LCOR: variants seen among roughly 807,000 people sequenced by gnomAD.
The protein encoded by LCOR is ligand-dependent corepressor.
A neutral mutation model predicts 64.4 loss-of-function variants in LCOR; 14 were observed. The observed-to-expected ratio is 0.22, with a 90% confidence interval of 0.14 to 0.34. The LOEUF is 0.34. LCOR is among the 10% of genes least tolerant of loss of function. The pLI, the probability that LCOR is intolerant of heterozygous loss-of-function variation, is 1.00. For synonymous variants in LCOR, 643 were observed against 642.5 expected (o/e 1.00, Z -0.01); for missense variants, 1,686 against 1,765.3 (o/e 0.96, Z 0.80).
chr10:96,911,757 C>T (rs1056919637), intron 4 of LCOR, among the ~76,000 whole-genome samples: 1 of 152,184 alleles, frequency 6.6e-6, no homozygotes, highest in African/African-American at 2.4e-5. Flanking sequence ...TTACTTCTTT[C>T]CTTCCTCCCA....
At chr10:96,940,286 T>A (rs1451655095) in intron 4 of LCOR, among the ~76,000 whole-genome samples, 1 of 145,260 alleles carries the variant, frequency 6.9e-6, no homozygotes, top group Admixed American at 7.0e-5. Context: ...AATACAACTA[T>A]AATAAAGGTG....
rs1848237042 is a variant in LCOR, at chr10:96,995,742, A to C, written c.*10608A>C. 1 of 152,170 alleles carries C rather than the reference A, an allele frequency of 6.6e-6. No homozygotes were observed. The highest frequency in any genetic ancestry group is 2.1e-4 in the South Asian group (1 of 4,826). The allele number at this position is 152,170 out of a possible 1,614,324, so 9.4% of individuals were successfully genotyped here. ...TTGCTTTCCTATCAGGCCATGTAGG[A>C]AACTGTGTTCTTGTTATTGGTAGAG... On this transcript the variant is annotated 3_prime_UTR_variant, in exon 8 of 8. Transcript: ENST00000421806. This position sits in a 1 kb window ranked among gnomAD's most constrained non-coding sequence, Gnocchi z 4.2.
chr10:96,947,894 A>G (rs1847615597), intron 5 of LCOR, among the ~76,000 whole-genome samples: 1 of 152,122 alleles, frequency 6.6e-6, no homozygotes, highest in African/African-American at 2.4e-5. Flanking sequence ...GGACTATTTC[A>G]TGGTGATTGA....
chr10:96,876,748 G>A (rs1384580432), intron 2 of LCOR, among the ~76,000 whole-genome samples: 1 of 152,004 alleles, frequency 6.6e-6, no homozygotes, highest in Non-Finnish European at 1.5e-5. Context: ...AGAGTGCAGT[G>A]GTGCGATCTC....
In LCOR at chr10:96,993,476, G is replaced by A. The variant is rs1034337952; in HGVS notation, c.*8342G>A. The A allele has an allele frequency of 1.2e-4, 19 of 152,086 alleles. No homozygotes were observed. Among genetic ancestry groups the A allele is most frequent in the African/African-American group, 3.4e-4 (14 of 41,398 alleles). The allele number at this position is 152,086 out of a possible 1,614,324, so 9.4% of individuals were successfully genotyped here. The stretch of plus-strand genomic sequence containing the variant: ...GCAGGAAGAAATAAATTTTGCTCTC[G>A]TCTAAATGTTCACAAGAAGTAATGT... On this transcript the variant is annotated 3_prime_UTR_variant, in exon 8 of 8. Transcript: ENST00000421806.
At chr10:96,918,429 A>G (rs1176432146) in intron 4 of LCOR, among the ~76,000 whole-genome samples, 1 of 152,158 alleles carries the variant, frequency 6.6e-6, no homozygotes, top group Non-Finnish European at 1.5e-5. Context: ...GCATTGATGA[A>G]TATGTGGGTG....
At chr10:96,905,496 A>AT (rs1846712025) in intron 2 of LCOR, among the ~76,000 whole-genome samples, 1 of 151,932 alleles carries the variant, frequency 6.6e-6, no homozygotes, top group African/African-American at 2.4e-5. Context: ...GGATTTATTT[A>AT]TTTTTTTAAG....
At chr10:96,915,810 G>T in intron 4 of LCOR, 1 of 575,498 alleles carries the variant, frequency 1.7e-6, no homozygotes, top group Non-Finnish European at 3.3e-6. Context: ...GGAGGAGCAG[G>T]GTTAGCAGAC....
At position 96,981,743 on chromosome 10, in the gene LCOR, C is replaced by A; in HGVS notation, c.1283C>A (p.Pro428His). 2 of 1,614,214 alleles carry A rather than the reference C, an allele frequency of 1.2e-6. No individual in the cohort carries two copies. Among genetic ancestry groups the A allele is most frequent in the Non-Finnish European group, 1.7e-6 (2 of 1,180,038 alleles). Residue 428 changes from proline to histidine, a missense_variant, in exon 8 of 8, where the codon CCT (proline) becomes CAT (histidine). This residue lies in a region of LCOR where 1,293 missense variants were observed against 1,410.4 expected (regional missense o/e 0.92). Coordinates refer to ENST00000421806, the MANE Select transcript of LCOR (RefSeq NM_001346516.2). ...HSKDGWLGPG[P>H]MPAVHKAANG... ...AAAGATGGTTGGTTAGGCCCCGGCC[C>A]TATGCCAGCTGTACACAAAGCGGCA...
chr10:96,937,240 G>T (rs1847366761), intron 4 of LCOR, among the ~76,000 whole-genome samples: 1 of 152,192 alleles, frequency 6.6e-6, no homozygotes, highest in South Asian at 2.1e-4. Flanking sequence ...GCCAAGGATT[G>T]TCAGCAACCA....
At chr10:96,978,994 T>C (rs1210761365) in intron 7 of LCOR, among the ~76,000 whole-genome samples, 3 of 152,218 alleles carry the variant, frequency 2.0e-5, no homozygotes, top group African/African-American at 7.2e-5. Flanking sequence ...ATCCTGTAGA[T>C]AGTAAATGTC....
chr10:96,961,256 T>TG (rs1164850146), intron 7 of LCOR: 1 of 152,118 alleles, frequency 6.6e-6, no homozygotes, highest in East Asian at 1.9e-4. Context: ...TGCAACCGTT[T>TG]GGGGGGTAAT....
At position 96,984,301 on chromosome 10, in the gene LCOR, A is replaced by G. The variant is rs1848125148; in HGVS notation, c.3841A>G (p.Asn1281Asp). 6.2e-7 allele frequency: 1 copy of G among 1,614,146 alleles called. No individual in the cohort carries two copies. The highest frequency in any genetic ancestry group is 1.3e-5 in the African/African-American group (1 of 75,068). Residue 1281 changes from asparagine to aspartate, a missense_variant, in exon 8 of 8, where the codon AAT (asparagine) becomes GAT (aspartate). Asn to Asp is a conservative substitution (Grantham distance 23). Transcript: ENST00000421806. ...EDGSDVSPGP[N>D]SEDSIEEVKE... is the part of the protein sequence containing the mutation. Reference sequence around the variant, plus strand: ...TGGCAGTGATGTCAGCCCCGGCCCTAATTCTGAAGACAGCATAGAGGAAGT... The same window carrying G: ...TGGCAGTGATGTCAGCCCCGGCCCTGATTCTGAAGACAGCATAGAGGAAGT...
At position 96,983,692 on chromosome 10, in the gene LCOR, G is replaced by C; in HGVS notation, c.3232G>C (p.Glu1078Gln). 1.2e-6 allele frequency: 2 copies of C among 1,614,210 alleles called. No individual in the cohort carries two copies. Among genetic ancestry groups the C allele is most frequent in the Non-Finnish European group, 1.7e-6 (2 of 1,180,026 alleles). Residue 1078 changes from glutamate (E) to glutamine (Q), a missense_variant, in exon 8 of 8, where the codon GAG (glutamate) becomes CAG (glutamine). Glu to Gln is a conservative substitution (Grantham distance 29). Around this residue, in one of 3 missense-constraint regions of LCOR, gnomAD observed 1,293 missense variants for 1,410.4 expected, o/e 0.92. Transcript: ENST00000421806. The surrounding 1 kb of genome is among the most constrained non-coding windows in gnomAD (Gnocchi z 4.5). The part of the protein sequence containing the change: ...PIMPKENGAS[E>Q]SGDPLDEDDV... ...AATGCCAAAGGAAAATGGAGCTTCA[G>C]AGAGTGGAGACCCCCTAGATGAGGA...
Position 96,981,305 on chromosome 10 carries a change from A to G in LCOR, c.845A>G (p.His282Arg). Reference protein sequence around the residue: ...TASNCSSVNFHHIPKILEGQT... With the variant: ...TASNCSSVNFRHIPKILEGQT... ...TCTAATTGTTCCTCAGTGAACTTCC[A>G]CCACATCCCTAAAATCTTGGAGGGG... The change falls in exon 8 of 8, where the codon CAC becomes CGC. Residue 282 changes from histidine (H) to arginine (R), a missense_variant. His to Arg is a conservative substitution (Grantham distance 29). Transcript: ENST00000421806. The G allele has an allele frequency of 6.4e-7, 1 of 1,553,612 alleles. No homozygotes were observed. Among genetic ancestry groups the G allele is most frequent in the Non-Finnish European group, 8.9e-7 (1 of 1,128,662 alleles).
At chr10:96,916,380 C>T (rs565953692) in intron 4 of LCOR, among the ~76,000 whole-genome samples, 1 of 151,910 alleles carries the variant, frequency 6.6e-6, no homozygotes, top group South Asian at 2.1e-4. Flanking sequence ...CTAGTTGTTA[C>T]TTTTATATTG....
At chr10:96,947,748 T>C (rs927205640) in intron 5 of LCOR, among the ~76,000 whole-genome samples, 1 of 151,896 alleles carries the variant, frequency 6.6e-6, no homozygotes, top group African/African-American at 2.4e-5. Context: ...TTTTTTTTTT[T>C]AAAGGACTAT....
In LCOR at chr10:96,968,840, T is replaced by G. The variant is rs1381185335; in HGVS notation, c.333-11953T>G. Among the ~76,000 whole-genome samples, 3 of 151,406 alleles carry G rather than the reference T, an allele frequency of 2.0e-5. No homozygotes were observed. In the East Asian group the frequency reaches 5.8e-4, roughly 29 times the overall value. On this transcript the variant is annotated intron_variant, in intron 7 of 7. Transcript: ENST00000421806. ...GTCCCAGCTCTACTTGGTGGTGAGG[T>G]GGGAGGGTCACTTGGGCCCAAGAGA...
chr10:96,948,221 T>G (rs1366012499), intron 5 of LCOR, among the ~76,000 whole-genome samples: 1 of 152,210 alleles, frequency 6.6e-6, no homozygotes, highest in Non-Finnish European at 1.5e-5. Flanking sequence ...TATTTCATTA[T>G]TTTATTTTTT....
Sources: allele counts gnomAD v4.1 joint callset (sites outside exome capture counted in the v4.1 genomes callset), GRCh38; gene constraint gnomAD v4.1.1; regional missense constraint gnomAD v4.1.1; non-coding constraint Gnocchi (gnomAD v3.1); transcripts MANE v1.5; gene names NCBI Gene and HGNC (gene_info 2026-07-23, HGNC 2026-07-21).